LIPA: variants seen among roughly 807,000 people sequenced by gnomAD.
LIPA encodes lysosomal acid lipase/cholesteryl ester hydrolase.
In LIPA, 26 loss-of-function variants were observed where a neutral mutation model predicts 40.6. The ratio of observed to expected loss-of-function variants is 0.64; its 90% CI spans 0.47 to 0.89. The LOEUF is 0.89. Ranked by LOEUF, LIPA falls within the 40% of genes least tolerant of loss-of-function variation. The pLI, the probability that LIPA is intolerant of heterozygous loss-of-function variation, is 0.00. For missense variants in LIPA, 455 were observed against 479.6 expected (o/e 0.95, Z 0.48); for synonymous variants, 188 against 168.4 (o/e 1.12, Z -0.90).
At chr10:89,389,975 C>CTTTTTTTTT (rs56947144) in intron 2 of LIPA, among the ~76,000 whole-genome samples, 1 of 80,326 alleles carries the variant, frequency 1.2e-5, no homozygotes, top group Non-Finnish European at 2.2e-5. Flanking sequence ...AGATTTCTTT[C>CTTTTTTTTT]TTTTTTTTTT....
chr10:89,328,614 G>A (rs746920944), intron 1 of LIPA, among the ~76,000 whole-genome samples: 100 of 152,108 alleles, frequency 6.6e-4, no homozygotes, highest in Non-Finnish European at 1.1e-3. Flanking sequence ...GCCCTGAAAC[G>A]TTGCATTACT....
At chr10:89,277,737 T>C (rs1843296061) in intron 1 of LIPA, among the ~76,000 whole-genome samples, 1 of 152,238 alleles carries the variant, frequency 6.6e-6, no homozygotes, top group Non-Finnish European at 1.5e-5. Flanking sequence ...GGTTCAGGGA[T>C]ATGACTGGAT....
At chr10:89,412,085 G>C (rs1375002196) in intron 2 of LIPA, among the ~76,000 whole-genome samples, 1 of 152,178 alleles carries the variant, frequency 6.6e-6, no homozygotes, top group Non-Finnish European at 1.5e-5. Context: ...CTGGCCTAAA[G>C]AGTTCCCCTC....
chr10:89,247,347 G>A (rs1297892852), intron 2 of LIPA, among the ~76,000 whole-genome samples, 191 bp downstream of exon 2: 1 of 134,288 alleles, frequency 7.4e-6, no homozygotes, highest in African/African-American at 2.9e-5. Flanking sequence ...ACTCCAGCCT[G>A]GGCGGGCAGG....
chr10:89,218,186 G>A (rs1842652050), intron 8 of LIPA, among the ~76,000 whole-genome samples: 1 of 152,088 alleles, frequency 6.6e-6, no homozygotes, highest in African/African-American at 2.4e-5. Flanking sequence ...ATGTAAACGG[G>A]TTCAACTTTT....
intron 2 of LIPA, among the ~76,000 whole-genome samples, chr10:89,366,875 C>T (rs1348955527): frequency 3.3e-5 from 5 of 152,126 alleles, no homozygotes; most frequent in East Asian, 1.9e-4. Flanking sequence ...CACATGCACA[C>T]GTATGTTTAT....
intron 2 of LIPA, chr10:89,392,476 C>CT: frequency 3.9e-6 from 1 of 253,572 alleles, no homozygotes; most frequent in South Asian, 1.1e-4. Flanking sequence ...TCCCCACCCC[C>CT]CCCCGTCAGC....
chr10:89,358,905 TAGA>T (rs1164550371), intron 2 of LIPA, among the ~76,000 whole-genome samples: 2 of 152,188 alleles, frequency 1.3e-5, no homozygotes, highest in African/African-American at 4.8e-5. Flanking sequence ...TCAAAATAGC[TAGA>T]AGAATTGGAA....
At chr10:89,366,437 A>G (rs1844057540) in intron 2 of LIPA, among the ~76,000 whole-genome samples, 2 of 152,130 alleles carry the variant, frequency 1.3e-5, no homozygotes, top group South Asian at 4.1e-4. Flanking sequence ...AATATCCTTT[A>G]TTTCTTTCTC....
At chr10:89,287,950 A>T (rs1186564225) in intron 1 of LIPA, among the ~76,000 whole-genome samples, 1 of 152,082 alleles carries the variant, frequency 6.6e-6, no homozygotes, top group Non-Finnish European at 1.5e-5. Flanking sequence ...TCTGTTCTGG[A>T]TCTCAAACAT....
intron 2 of LIPA, among the ~76,000 whole-genome samples, chr10:89,347,921 T>A (rs1430563316): frequency 6.6e-6 from 1 of 152,204 alleles, no homozygotes; most frequent in Non-Finnish European, 1.5e-5. Flanking sequence ...CCTTAGGCAG[T>A]ACAGGTTTAC....
chr10:89,328,073 C>T, intron 1 of LIPA: 1 of 1,613,918 alleles, frequency 6.2e-7, no homozygotes, highest in African/African-American at 1.3e-5. Flanking sequence ...AGAGGGCAGT[C>T]ATGAGGTCAG....
chr10:89,293,824 A>C (rs1246027070), intron 1 of LIPA, among the ~76,000 whole-genome samples: 1 of 152,154 alleles, frequency 6.6e-6, no homozygotes, highest in Non-Finnish European at 1.5e-5. Flanking sequence ...TTAACCTTAA[A>C]TACCTCCTCA....
At chr10:89,220,482 AG>A (rs1842684186) in intron 8 of LIPA, among the ~76,000 whole-genome samples, 1 of 152,222 alleles carries the variant, frequency 6.6e-6, no homozygotes, top group South Asian at 2.1e-4. Context: ...AGAAAAGCAG[AG>A]ACCTGAACCA....
intron 1 of LIPA, among the ~76,000 whole-genome samples, chr10:89,301,099 C>A (rs1368026462): frequency 6.6e-6 from 1 of 152,244 alleles, no homozygotes; most frequent in African/African-American, 2.4e-5. Context: ...CCCAACACCA[C>A]AATAAACCAG....
rs1238393756 is a variant in LIPA at position 89,393,313 on chromosome 10, GC to G, written c.61+19477del. ...AGGCTGAGCTTAAGATAAACAGATT[GC>G]CTCCTCCCTGGAAAATCTAGGCTCT... is the stretch of plus-strand genomic sequence containing the variant. On this transcript the variant is annotated intron_variant, in intron 2 of 8. Coordinates refer to the LIPA transcript ENST00000371837. 3 of 1,286,740 alleles carry G rather than the reference GC, an allele frequency of 2.3e-6. No homozygotes were observed. In the African/African-American group the frequency reaches 4.6e-5, roughly 20 times the overall value. 79.7% of individuals were successfully genotyped at this position (1,286,740 alleles called of 1,614,324 possible).
At chr10:89,265,363 A>G (rs924450412) in intron 1 of LIPA, among the ~76,000 whole-genome samples, 11 of 152,146 alleles carry the variant, frequency 7.2e-5, no homozygotes, top group African/African-American at 1.4e-4. Flanking sequence ...CACCATCTCC[A>G]TGGAGTACAC....
At chr10:89,227,463 A>T (rs1029666097) in intron 4 of LIPA, among the ~76,000 whole-genome samples, 2 of 152,236 alleles carry the variant, frequency 1.3e-5, no homozygotes, top group African/African-American at 4.8e-5. Flanking sequence ...CTTTTGTTAA[A>T]AGCTCTCATT....
chr10:89,254,770 A>G (rs1450283402), upstream of LIPA, among the ~76,000 whole-genome samples: 1 of 152,192 alleles, frequency 6.6e-6, no homozygotes, highest in African/African-American at 2.4e-5. Flanking sequence ...CACCATTTCA[A>G]TGTTTTACTG....
Sources: allele counts gnomAD v4.1 joint callset (sites outside exome capture counted in the v4.1 genomes callset), GRCh38; gene constraint gnomAD v4.1.1; transcripts MANE v1.5; gene names NCBI Gene and HGNC (gene_info 2026-07-23, HGNC 2026-07-21).